The following PLXNA4 variants were observed in gnomAD, a reference collection of about 807,000 sequenced individuals.
The protein encoded by PLXNA4 is plexin A4, also known as plexin-A4.
PLXNA4 carries 44 observed loss-of-function variants against 191.8 expected under a neutral mutation model. That is an observed-to-expected ratio of 0.23 (90% CI 0.18 to 0.29). The LOEUF is 0.29. PLXNA4 is among the 10% of genes least tolerant of loss of function. The pLI is 1.00. For missense variants in PLXNA4, 1,800 were observed against 2,488.8 expected (o/e 0.72, Z 5.89); for synonymous variants, 1,082 against 1,009.5 (o/e 1.07, Z -1.36).
At position 132,223,543 on chromosome 7, in the gene PLXNA4, C is replaced by G. The variant is rs200493064; in HGVS notation, c.2081G>C (p.Arg694Pro). 6.2e-7 allele frequency: 1 copy of G among 1,612,956 alleles called. No homozygotes were observed. The highest frequency in any genetic ancestry group is 1.3e-5 in the African/African-American group (1 of 74,862). Residue 694 changes from arginine to proline, a missense_variant, in exon 9 of 32, where the codon CGA (arginine) becomes CCA (proline). Coordinates refer to ENST00000321063, the MANE Select transcript of PLXNA4 (RefSeq NM_020911.2). ...GGGACCTACCTCGGGCAGCTTCACTCGGCCTTCCTGGAAGGAGCAGGTCTT... is the reference window on the plus strand; with the variant it reads ...GGGACCTACCTCGGGCAGCTTCACTGGGCCTTCCTGGAAGGAGCAGGTCTT... ...DPKTCSFQEGRVKLPEDCPQL... is the reference protein window; with the variant it reads ...DPKTCSFQEGPVKLPEDCPQL...
At chr7:132,498,351 G>C (rs1366978656) in intron 2 of PLXNA4, among the ~76,000 whole-genome samples, 1 of 152,152 alleles carries the variant, frequency 6.6e-6, no homozygotes, top group South Asian at 2.1e-4. Flanking sequence ...CCACGTGGCT[G>C]GGGAGGCCTC....
At chr7:132,156,319 G>T (rs1355875078) in intron 25 of PLXNA4, among the ~76,000 whole-genome samples, 1 of 152,188 alleles carries the variant, frequency 6.6e-6, no homozygotes, top group African/African-American at 2.4e-5. Context: ...GCTCGTCTGA[G>T]CTCTGAGGAG....
Position 132,638,118 on chromosome 7 carries a change from C to T in PLXNA4, c.-87+7810G>A, listed in dbSNP as rs557870387. On this transcript the variant is annotated intron_variant, in intron 2 of 4. Coordinates refer to the PLXNA4 transcript ENST00000378539. ...ACCCCTAGGGTCTGTGCTGCCACAA[C>T]GGAGCCTCCACTCCTAGCGCACAGC... 3.9e-5 allele frequency among the ~76,000 whole-genome samples: 6 copies of T among 152,216 alleles called. No individual in the cohort carries two copies. The South Asian group carries it at 1.0e-3, about 26-fold the overall frequency.
chr7:132,500,052 T>C (rs1798183599), intron 2 of PLXNA4, among the ~76,000 whole-genome samples: 3 of 152,208 alleles, frequency 2.0e-5, no homozygotes, highest in African/African-American at 7.2e-5. Context: ...AAGCCTGGTG[T>C]GGTGATGTGC....
At chr7:132,587,526 G>T (rs751023066) in intron 2 of PLXNA4, among the ~76,000 whole-genome samples, 11 of 152,206 alleles carry the variant, frequency 7.2e-5, no homozygotes, top group Non-Finnish European at 1.6e-4. Flanking sequence ...GTCTCTAGAG[G>T]TTTGAGACGT....
At chr7:132,216,590 G>A (rs1216611146) in intron 9 of PLXNA4, among the ~76,000 whole-genome samples, 1 of 152,208 alleles carries the variant, frequency 6.6e-6, no homozygotes, top group East Asian at 1.9e-4. Flanking sequence ...CTTGGTACAA[G>A]CATTCAATTC....
intron 3 of PLXNA4, among the ~76,000 whole-genome samples, chr7:132,329,718 A>C (rs1802515478): frequency 6.6e-6 from 1 of 151,920 alleles, no homozygotes; most frequent in Non-Finnish European, 1.5e-5. Context: ...AAACGGGTTG[A>C]CTCCTTGTCT....
intron 3 of PLXNA4, among the ~76,000 whole-genome samples, chr7:132,426,494 G>A (rs2117172362): frequency 6.6e-6 from 1 of 152,330 alleles, no homozygotes; most frequent in South Asian, 2.1e-4. Flanking sequence ...GTTGGTTGAA[G>A]GGGCAGCAGC....
intron 5 of PLXNA4, among the ~76,000 whole-genome samples, chr7:132,240,018 C>T (rs193029401): frequency 1.3e-5 from 2 of 152,266 alleles, no homozygotes; most frequent in East Asian, 1.9e-4. Flanking sequence ...TAAGGGCACT[C>T]TTTGCAAAGG....
intron 30 of PLXNA4, among the ~76,000 whole-genome samples, chr7:132,137,883 G>A (rs981279300): frequency 6.6e-6 from 1 of 151,564 alleles, no homozygotes; most frequent in African/African-American, 2.4e-5. Flanking sequence ...AGAAGGGAGG[G>A]CAGGTGGGAG....
intron 4 of PLXNA4, among the ~76,000 whole-genome samples, chr7:132,297,623 C>G (rs1220348226): frequency 6.6e-6 from 1 of 152,208 alleles, no homozygotes; most frequent in African/African-American, 2.4e-5. Flanking sequence ...CCTACCCCAT[C>G]ACATCTCATC....
At chr7:132,298,948 T>C (rs943808966) in intron 3 of PLXNA4, among the ~76,000 whole-genome samples, 1 of 152,246 alleles carries the variant, frequency 6.6e-6, no homozygotes, top group Non-Finnish European at 1.5e-5. Context: ...TGGGACAGCA[T>C]AGAGACAATG....
intron 1 of PLXNA4, among the ~76,000 whole-genome samples, chr7:132,531,690 C>T (rs7797378): frequency 0.1 from 15,209 of 152,198 alleles, 887 homozygotes; most frequent in Middle Eastern, 0.18. Context: ...CCTGAACTTT[C>T]GAGTGCTGTG....
intron 3 of PLXNA4, among the ~76,000 whole-genome samples, chr7:132,432,841 C>T (rs1313994529): frequency 6.6e-6 from 1 of 152,216 alleles, no homozygotes; most frequent in Non-Finnish European, 1.5e-5. Context: ...AAACACACCA[C>T]TAGAAATGAC....
chr7:132,543,745 G>A (rs1273415974), intron 1 of PLXNA4, among the ~76,000 whole-genome samples: 1 of 152,256 alleles, frequency 6.6e-6, no homozygotes, highest in Admixed American at 6.5e-5. Flanking sequence ...AGCCATTGAA[G>A]ATTCTCAAGC....
At chr7:132,315,148 C>T (rs1378959231) in intron 3 of PLXNA4, among the ~76,000 whole-genome samples, 2 of 152,186 alleles carry the variant, frequency 1.3e-5, no homozygotes, top group Non-Finnish European at 2.9e-5. Context: ...GGAGACATTT[C>T]TGCTACTGGG....
upstream of PLXNA4, among the ~76,000 whole-genome samples, chr7:132,581,389 C>T (rs953604589): frequency 9.2e-5 from 14 of 152,210 alleles, no homozygotes; most frequent in East Asian, 3.8e-4. Flanking sequence ...TATTAACATC[C>T]GAATTTCAAC....
chr7:132,648,659 A>G, exon 1 of PLXNA4: 1 of 152,184 alleles, frequency 6.6e-6, no homozygotes, highest in South Asian at 2.1e-4. Context: ...ATCTCCATGC[A>G]TTAAGGTCTC....
intron 3 of PLXNA4, among the ~76,000 whole-genome samples, chr7:132,470,449 C>T (rs1029953949): frequency 6.6e-6 from 1 of 152,208 alleles, no homozygotes; most frequent in Admixed American, 6.5e-5. Flanking sequence ...TCACACCTAT[C>T]CCCAATCAGT....
Sources: allele counts gnomAD v4.1 joint callset (sites outside exome capture counted in the v4.1 genomes callset), GRCh38; gene constraint gnomAD v4.1.1; transcripts MANE v1.5; gene names NCBI Gene and HGNC (gene_info 2026-07-23, HGNC 2026-07-21).